CFAP57: variants seen among roughly 807,000 people sequenced by gnomAD.
CFAP57 encodes cilia- and flagella-associated protein 57.
A neutral mutation model predicts 146.8 loss-of-function variants in CFAP57; 116 were observed. The observed-to-expected ratio is 0.79, with a 90% CI of 0.68 to 0.92. CFAP57 has a LOEUF of 0.92. CFAP57 is among the 40% of genes least tolerant of loss of function. The probability of loss-of-function intolerance (pLI) is 0.00; values close to 1 mark genes in which losing one functional copy is unlikely to be tolerated. For missense variants in CFAP57, 1,377 were observed against 1,527.2 expected, an observed-to-expected ratio of 0.90 and a Z score of 1.64; for synonymous variants, 518 against 552.8, an observed-to-expected ratio of 0.94 and a Z score of 0.88.
Position 43,234,622 on chromosome 1 carries a change from A to T in CFAP57, c.3389A>T (p.Tyr1130Phe). The T allele has an allele frequency of 6.5e-7, 1 of 1,549,872 alleles. No homozygotes were observed. Among genetic ancestry groups the T allele is most frequent in the Non-Finnish European group, 8.7e-7 (1 of 1,146,632 alleles). ...GAGGGCGAGCTGCACCGCACAGACT[A>T]CGTCCGCATCATGCAGGTACCTGCA... ...VKEGELHRTDYVRIMQENVSL... is the reference protein window; with the variant it reads ...VKEGELHRTDFVRIMQENVSL... Residue 1130 changes from tyrosine to phenylalanine, a missense_variant, in exon 21 of 23, where the codon TAC (tyrosine) becomes TTC (phenylalanine). Coordinates refer to ENST00000372492, the MANE Select transcript of CFAP57 (RefSeq NM_001378189.1).
chr1:43,230,430 T>C (rs147935329), intron 18 of CFAP57, among the ~76,000 whole-genome samples: 10 of 152,210 alleles, frequency 6.6e-5, no homozygotes, highest in African/African-American at 2.2e-4. Flanking sequence ...ACTCCTGGTC[T>C]AAGCCTTCAG....
At chr1:43,197,482 TA>T in intron 6 of CFAP57, 70 bp from the exon 7 acceptor site, 1 of 1,604,136 alleles carries the variant, frequency 6.2e-7, no homozygotes, top group South Asian at 1.1e-5. Flanking sequence ...TCATGGGAAC[TA>T]ATTAGAGCTG....
intron 9 of CFAP57, among the ~76,000 whole-genome samples, chr1:43,204,070 C>G (rs1313801883): frequency 1.3e-5 from 2 of 152,196 alleles, no homozygotes; most frequent in Non-Finnish European, 2.9e-5. Context: ...TGCACAATCT[C>G]TATTGAGCTA....
At chr1:43,231,933 C>T (rs1191356899) in intron 18 of CFAP57, 3 of 494,886 alleles carry the variant, frequency 6.1e-6, no homozygotes, top group Non-Finnish European at 1.1e-5. Flanking sequence ...AGACAGGACA[C>T]TTCTCAGTTG....
chr1:43,224,481 T>TCA (rs1645168373), intron 17 of CFAP57, among the ~76,000 whole-genome samples: 1 of 152,116 alleles, frequency 6.6e-6, no homozygotes, highest in South Asian at 2.1e-4. Flanking sequence ...TTGCCCAGGG[T>TCA]CACACACTTC....
chr1:43,196,758 A>G (rs1643884164), intron 6 of CFAP57, among the ~76,000 whole-genome samples: 1 of 152,192 alleles, frequency 6.6e-6, no homozygotes, highest in Non-Finnish European at 1.5e-5. Flanking sequence ...TCCAACTCTC[A>G]TTTGCTACTG....
chr1:43,232,649 G>C (rs983072707), intron 19 of CFAP57, 25 bp downstream of exon 19: 1 of 1,487,302 alleles, frequency 6.7e-7, no homozygotes, highest in East Asian at 2.5e-5. Context: ...GAGTCTGGCA[G>C]TTCTTGGATT....
chr1:43,172,520 G>T (rs962059846), intron 1 of CFAP57, 67 bp downstream of exon 1: 99 of 1,289,274 alleles, frequency 7.7e-5, no homozygotes, highest in Non-Finnish European at 9.7e-5. Flanking sequence ...GGAAAAGGCA[G>T]AAAAAGGAGC....
intron 6 of CFAP57, among the ~76,000 whole-genome samples, chr1:43,191,239 A>G (rs1643500179): frequency 6.6e-6 from 1 of 152,092 alleles, no homozygotes; most frequent in African/African-American, 2.4e-5. Flanking sequence ...GTGGCATGCA[A>G]TTGTTCATAG....
At position 43,254,308 on chromosome 1, in the gene CFAP57, T is replaced by C. The variant is rs1646389491; in HGVS notation, c.*117T>C. 1 of 880,244 alleles carries C rather than the reference T, an allele frequency of 1.1e-6. No homozygotes were observed. Among genetic ancestry groups the C allele is most frequent in the African/African-American group, 1.7e-5 (1 of 58,756 alleles). The allele number at this position is 880,244 out of a possible 1,614,324, so 54.5% of individuals were successfully genotyped here. On this transcript the variant is annotated 3_prime_UTR_variant, in exon 23 of 23. Coordinates refer to ENST00000372492, the MANE Select transcript of CFAP57 (RefSeq NM_001378189.1). Reference sequence around the variant, plus strand: ...CTGCAGCACTGACCCCAGCAACCTCTTTCTCTTGCCCTGGGGAATTTGGGA... The same window carrying C: ...CTGCAGCACTGACCCCAGCAACCTCCTTCTCTTGCCCTGGGGAATTTGGGA...
chr1:43,178,347 A>G (rs1160646298), intron 2 of CFAP57, among the ~76,000 whole-genome samples: 2 of 152,250 alleles, frequency 1.3e-5, no homozygotes, highest in African/African-American at 4.8e-5. Context: ...TAGAGTGAAC[A>G]GGCAACCTAC....
intron 22 of CFAP57, among the ~76,000 whole-genome samples, chr1:43,252,294 C>T (rs1006137020): frequency 6.6e-6 from 1 of 152,064 alleles, no homozygotes; most frequent in African/African-American, 2.4e-5. Flanking sequence ...TCAATCTTGG[C>T]TCTGGATGAA....
rs142296381 is a variant in CFAP57, at chr1:43,203,929, T to A, written c.1543-2791T>A. On this transcript the variant is annotated intron_variant, in intron 9 of 22. Transcript: ENST00000372492. ...CAGCATTATTTATTTGAATATTTGT[T>A]GTTTTTCTCTCTTCTCCTAGTGCTC... Among the ~76,000 whole-genome samples, 1,495 of 152,366 alleles carry A rather than the reference T, an allele frequency of 9.8e-3. 12 individuals carry two copies. Among genetic ancestry groups the A allele is most frequent in the Admixed American group, 0.024 (368 of 15,304 alleles).
chr1:43,222,189 A>C lies in CFAP57; in HGVS notation c.2426A>C (p.Tyr809Ser). Reference protein sequence around the residue: ...QLKSQRMQEEYEKQLRDNDET... With the variant: ...QLKSQRMQEESEKQLRDNDET... Reference sequence around the variant, plus strand: ...AAGTCCCAGAGGATGCAGGAAGAGTATGAAAAACAGCTCCGGGATAACGAT... The same window carrying C: ...AAGTCCCAGAGGATGCAGGAAGAGTCTGAAAAACAGCTCCGGGATAACGAT... Residue 809 changes from tyrosine (Y) to serine (S), a missense_variant, in exon 15 of 23, where the codon TAT becomes TCT. Physicochemically the swap from Tyr to Ser is moderately radical, Grantham distance 144. Transcript: ENST00000372492. 6.5e-7 allele frequency: 1 copy of C among 1,545,014 alleles called. No individual in the cohort carries two copies. Among genetic ancestry groups the C allele is most frequent in the Non-Finnish European group, 8.7e-7 (1 of 1,143,800 alleles).
intron 8 of CFAP57, 105 bp downstream of exon 8, chr1:43,198,751 G>A (rs1470410046): frequency 5.7e-6 from 7 of 1,234,428 alleles, no homozygotes; most frequent in Non-Finnish European, 7.0e-6. Context: ...AATCTGTCTT[G>A]GAGAACTACA....
At chr1:43,216,140 G>T (rs1644823648) in intron 12 of CFAP57, among the ~76,000 whole-genome samples, 1 of 152,232 alleles carries the variant, frequency 6.6e-6, no homozygotes, top group African/African-American at 2.4e-5. Flanking sequence ...ATTGCTGTTT[G>T]TCCAGAATCT....
chr1:43,206,764 TG>T lies in CFAP57; in HGVS notation c.1589del (p.Gly530ValfsTer56). 1 of 1,614,158 alleles carries T rather than the reference TG, an allele frequency of 6.2e-7. No homozygotes were observed. Among genetic ancestry groups the T allele is most frequent in the Non-Finnish European group, 8.5e-7 (1 of 1,180,044 alleles). Reference sequence around the variant, plus strand: ...ATGCAGATGATAGCAAACTGATTTCTGGTGGCACAGATGGTGCTGTGTATGA... The same window carrying T: ...ATGCAGATGATAGCAAACTGATTTCTGTGGCACAGATGGTGCTGTGTATGA... The part of the protein sequence containing the change: ...WNADDSKLIS[G>X]GTDGAVYEWN... On this transcript the variant is annotated frameshift_variant, in exon 10 of 23. Transcript: ENST00000372492. LOFTEE classifies it high-confidence loss of function.
chr1:43,245,732 T>C (rs751374512), intron 22 of CFAP57, among the ~76,000 whole-genome samples: 4 of 152,174 alleles, frequency 2.6e-5, no homozygotes, highest in Non-Finnish European at 2.9e-5. Flanking sequence ...TCCAACACAG[T>C]GGCTAAAAAC....
chr1:43,237,459 CAAG>C (rs1232786791), intron 21 of CFAP57, among the ~76,000 whole-genome samples: 1 of 152,190 alleles, frequency 6.6e-6, no homozygotes, highest in Admixed American at 6.5e-5. Context: ...TTCCTACTCT[CAAG>C]GAGTTAATCA....
Sources: gnomAD v4.1 joint callset for allele counts (sites outside exome capture counted in the v4.1 genomes callset) on GRCh38, gnomAD v4.1.1 for gene constraint, MANE v1.5 for transcripts, NCBI Gene and HGNC (gene_info 2026-07-23, HGNC 2026-07-21) for gene names.